The following LIPI variants were observed in gnomAD, a reference collection of about 807,000 sequenced individuals.
LIPI encodes lipase member I.
LIPI carries 59 observed loss-of-function variants against 50.6 expected under a neutral mutation model. The observed-to-expected ratio is 1.16, with a 90% CI of 0.94 to 1.45. The LOEUF is 1.45. Among genes scored for constraint, LIPI ranks in the 40% most tolerant of loss-of-function variants. LIPI has a pLI of 0.00. For synonymous variants in LIPI, 203 were observed against 178.2 expected, an observed-to-expected ratio of 1.14 and a Z score of -1.11; for missense variants, 586 against 536.3, an observed-to-expected ratio of 1.09 and a Z score of -0.92.
intron 4 of LIPI, among the ~76,000 whole-genome samples, chr21:14,179,817 G>A (rs116889243): frequency 0.026 from 3,937 of 152,162 alleles, 64 homozygotes; most frequent in Admixed American, 0.032. Flanking sequence ...AAACATATGC[G>A]TTTGAACAAT....
intron 4 of LIPI, among the ~76,000 whole-genome samples, chr21:14,179,997 C>A (rs2019217834): frequency 6.6e-6 from 1 of 152,098 alleles, no homozygotes; most frequent in Admixed American, 6.6e-5. Flanking sequence ...TCGCTAAATT[C>A]TTTTCCTAGC....
At chr21:14,138,315 A>G (rs2017582368) in intron 9 of LIPI, among the ~76,000 whole-genome samples, 1 of 152,156 alleles carries the variant, frequency 6.6e-6, no homozygotes, top group South Asian at 2.1e-4. Flanking sequence ...ATAACTGCAT[A>G]TTGGCTGTCT....
At chr21:14,159,553 G>C (rs577428133) in intron 7 of LIPI, among the ~76,000 whole-genome samples, 38 of 151,232 alleles carry the variant, frequency 2.5e-4, no homozygotes, top group South Asian at 1.0e-3. Flanking sequence ...CACTTTAATG[G>C]CAAAAGATTG....
intron 9 of LIPI, among the ~76,000 whole-genome samples, chr21:14,114,368 T>C (rs1347308099): frequency 2.6e-5 from 4 of 151,970 alleles, no homozygotes; most frequent in Non-Finnish European, 5.9e-5. Context: ...ATTGTAAGAC[T>C]CCAGTGGCTC....
At chr21:14,160,357 C>CA (rs1245525937) in intron 7 of LIPI, among the ~76,000 whole-genome samples, 1 of 150,938 alleles carries the variant, frequency 6.6e-6, no homozygotes, top group Non-Finnish European at 1.5e-5. Context: ...TGTCAATAAA[C>CA]ATATCGATAT....
At position 14,189,390 on chromosome 21, in the gene LIPI, G is replaced by T. The variant is rs755948317; in HGVS notation, c.76C>A (p.Gln26Lys). ...CTGAAGGAATCCTTTACACTTAGCT[G>T]AGAGAATTCAAGGCATGGTCTTTTA... ...DNKRPCLEFS[Q>K]LSVKDSFRDL... is the part of the protein sequence containing the mutation. Residue 26 changes from glutamine to lysine, a missense_variant, in exon 2 of 10, where the codon CAG becomes AAG. Coordinates refer to ENST00000681601, the MANE Select transcript of LIPI (RefSeq NM_001302998.2). 6.2e-7 allele frequency: 1 copy of T among 1,612,566 alleles called. No individual in the cohort carries two copies. The highest frequency in any genetic ancestry group is 1.1e-5 in the South Asian group (1 of 90,980).
intron 1 of LIPI, among the ~76,000 whole-genome samples, chr21:14,203,698 G>T (rs561058172): frequency 6.6e-6 from 1 of 152,028 alleles, no homozygotes; most frequent in African/African-American, 2.4e-5. Context: ...GTGTGGGTAG[G>T]GGGGAGGGAT....
chr21:14,126,720 G>A (rs1185875842), intron 9 of LIPI, among the ~76,000 whole-genome samples: 1 of 152,112 alleles, frequency 6.6e-6, no homozygotes, highest in Non-Finnish European at 1.5e-5. Flanking sequence ...TTTTATATCA[G>A]TACTTGAGGA....
intron 8 of LIPI, among the ~76,000 whole-genome samples, chr21:14,147,268 A>C (rs1348953573): frequency 1.3e-5 from 2 of 152,186 alleles, no homozygotes; most frequent in East Asian, 3.8e-4. Flanking sequence ...CCACTAATTG[A>C]CATCCCCTAT....
At chr21:14,177,649 C>T (rs2019141547) in intron 4 of LIPI, among the ~76,000 whole-genome samples, 1 of 152,064 alleles carries the variant, frequency 6.6e-6, no homozygotes, top group Non-Finnish European at 1.5e-5. Flanking sequence ...GTCATTTTCA[C>T]CTTCTTTCTA....
chr21:14,159,570 T>C (rs539737538), intron 7 of LIPI, among the ~76,000 whole-genome samples: 18 of 151,424 alleles, frequency 1.2e-4, no homozygotes, highest in African/African-American at 4.1e-4. Context: ...ATTGGATTTT[T>C]TTTTTCTCTA....
Position 14,109,028 on chromosome 21 carries a change from G to T in LIPI, c.1348C>A (p.Leu450Ile), listed in dbSNP as rs1387659440. The change falls in exon 10 of 10, where the codon CTT becomes ATT. Residue 450 changes from leucine to isoleucine, a missense_variant. By Grantham distance (5) the Leu-to-Ile change is conservative. Coordinates refer to ENST00000681601, the MANE Select transcript of LIPI (RefSeq NM_001302998.2). ...TTTGGTGTACATGTGTTTGGATTAA[G>T]AAACACTTCCTCTCTGTCTTTAAGT... ...IVLKDREEVF[L>I]NPNTCTPKNT The T allele has an allele frequency of 1.2e-6, 2 of 1,600,250 alleles. No individual in the cohort carries two copies. The highest frequency in any genetic ancestry group is 2.2e-5 in the South Asian group (2 of 90,758).
Position 14,181,686 on chromosome 21 carries a change from C to T in LIPI, c.643+72G>A, listed in dbSNP as rs78065643. The T allele has an allele frequency of 8.2e-4, 679 of 825,352 alleles. 3 individuals carry two copies. In the African/African-American group the frequency reaches 0.01, roughly 13 times the overall value. The allele number at this position is 825,352 out of a possible 1,614,324, so 51.1% of individuals were successfully genotyped here. On this transcript the variant is annotated intron_variant, in intron 4 of 9. Coordinates refer to ENST00000681601, the MANE Select transcript of LIPI (RefSeq NM_001302998.2). The stretch of plus-strand genomic sequence containing the variant: ...TCCATGATGTTTTTTCTTCTTATGC[C>T]CTCCTCTTGCCCAAGGTCTACATTT...
chr21:14,152,386 CAT>C (rs2018126059), intron 8 of LIPI, among the ~76,000 whole-genome samples, 185 bp downstream of exon 8: 3 of 152,092 alleles, frequency 2.0e-5, no homozygotes, highest in African/African-American at 7.2e-5. Context: ...GCCTCTTTAA[CAT>C]ATGTTATCTT....
At chr21:14,183,535 G>C (rs1165830106) in intron 3 of LIPI, among the ~76,000 whole-genome samples, 1 of 152,116 alleles carries the variant, frequency 6.6e-6, no homozygotes, top group Non-Finnish European at 1.5e-5. Flanking sequence ...AGAGTGAACA[G>C]GCAACCTATA....
intron 1 of LIPI, among the ~76,000 whole-genome samples, chr21:14,197,840 G>GA (rs527354854): frequency 4.3e-4 from 61 of 143,314 alleles, no homozygotes; most frequent in Middle Eastern, 3.5e-3. Context: ...AGGTTGAAAT[G>GA]AAAAAAAAAA....
chr21:14,113,810 T>C (rs2016510850), intron 9 of LIPI, among the ~76,000 whole-genome samples: 1 of 152,118 alleles, frequency 6.6e-6, no homozygotes, highest in Admixed American at 6.5e-5. Context: ...CTCAGGAAAC[T>C]TAACAATCAT....
intron 9 of LIPI, among the ~76,000 whole-genome samples, chr21:14,110,811 C>T (rs1368045510): frequency 6.6e-6 from 1 of 151,340 alleles, no homozygotes; most frequent in Admixed American, 6.6e-5. Flanking sequence ...GATGGGATTT[C>T]CTTCTTTATT....
intron 1 of LIPI, among the ~76,000 whole-genome samples, chr21:14,208,302 G>C (rs1468290083): frequency 1.3e-5 from 2 of 152,084 alleles, no homozygotes; most frequent in African/African-American, 4.8e-5. Context: ...CTAATCTTGG[G>C]CTTCACCTCC....
Sources: allele counts gnomAD v4.1 joint callset (sites outside exome capture counted in the v4.1 genomes callset), GRCh38; gene constraint gnomAD v4.1.1; transcripts MANE v1.5; gene names NCBI Gene and HGNC (gene_info 2026-07-23, HGNC 2026-07-21).